The following DNAJB6 variants were observed in gnomAD, a reference collection of about 807,000 sequenced individuals.
DNAJB6 encodes DnaJ heat shock protein family (Hsp40) member B6.
In DNAJB6, 16 loss-of-function variants were observed where a neutral mutation model predicts 42.7. The observed-to-expected ratio is 0.37, with a 90% CI of 0.25 to 0.57. The LOEUF (loss-of-function observed/expected upper bound fraction) is 0.57. Ranked by LOEUF, DNAJB6 falls within the 20% of genes least tolerant of loss-of-function variation. The pLI is 0.74. For synonymous variants in DNAJB6, 170 were observed against 163.5 expected, an observed-to-expected ratio of 1.04 and a Z score of -0.30; for missense variants, 347 against 416.8, an observed-to-expected ratio of 0.83 and a Z score of 1.46.
intron 5 of DNAJB6, among the ~76,000 whole-genome samples, chr7:157,367,885 T>C (rs1799920060): frequency 6.6e-6 from 1 of 152,036 alleles, no homozygotes; most frequent in Non-Finnish European, 1.5e-5. Context: ...TAACATTGTA[T>C]TTTGTCACGA....
At chr7:157,373,144 A>C (rs937294340) in intron 5 of DNAJB6, among the ~76,000 whole-genome samples, 10 of 152,168 alleles carry the variant, frequency 6.6e-5, no homozygotes, top group Admixed American at 5.9e-4. Flanking sequence ...TTAACTTGAT[A>C]ATCTATAAAG....
At chr7:157,348,524 T>C (rs1798803498) in intron 1 of DNAJB6, among the ~76,000 whole-genome samples, 1 of 152,200 alleles carries the variant, frequency 6.6e-6, no homozygotes, top group South Asian at 2.1e-4. Context: ...AACAGTTTCC[T>C]AAATAGCTCT....
At chr7:157,358,678 G>A in intron 2 of DNAJB6, 41 bp downstream of exon 2, 1 of 1,474,664 alleles carries the variant, frequency 6.8e-7, no homozygotes, top group Non-Finnish European at 9.5e-7. Flanking sequence ...TTTCACAGTG[G>A]TACATTGGTA....
intron 8 of DNAJB6, 77 bp from the exon 9 acceptor site, chr7:157,409,718 C>A: frequency 7.0e-7 from 1 of 1,421,784 alleles, no homozygotes; most frequent in Non-Finnish European, 9.3e-7. Flanking sequence ...GTGCGGCCAG[C>A]TTCCCTCCCT....
At chr7:157,350,872 T>C (rs1798936140) in intron 1 of DNAJB6, among the ~76,000 whole-genome samples, 1 of 151,420 alleles carries the variant, frequency 6.6e-6, no homozygotes, top group African/African-American at 2.4e-5. Context: ...ACAACAACTT[T>C]TTAATTCTGA....
intron 5 of DNAJB6, among the ~76,000 whole-genome samples, chr7:157,369,662 GC>G (rs1335051773): frequency 4.0e-5 from 6 of 149,902 alleles, no homozygotes; most frequent in Non-Finnish European, 2.9e-5. Context: ...TATTAAACAG[GC>G]CCCTTCTTAA....
chr7:157,386,290 A>G, intron 8 of DNAJB6: 1 of 984,794 alleles, frequency 1.0e-6, no homozygotes, highest in South Asian at 4.7e-5. Flanking sequence ...ATAAATGCGA[A>G]TGTGTTGGTG....
chr7:157,367,155 GT>G (rs1799884319), intron 4 of DNAJB6, among the ~76,000 whole-genome samples: 1 of 152,220 alleles, frequency 6.6e-6, no homozygotes, highest in African/African-American at 2.4e-5. Context: ...GAAAAGTAGT[GT>G]CGAAGGGGCC....
chr7:157,386,090 T>G (rs931717272), intron 8 of DNAJB6: 32 of 981,492 alleles, frequency 3.3e-5, no homozygotes, highest in Non-Finnish European at 3.8e-5. Flanking sequence ...TAGTGAAAGA[T>G]ATTAATACAT....
chr7:157,415,325 C>T (rs1175288360), intron 9 of DNAJB6: 3 of 152,278 alleles, frequency 2.0e-5, no homozygotes, highest in African/African-American at 7.2e-5. Context: ...CCATGCACTT[C>T]AGCTGGATCA....
intron 1 of DNAJB6, among the ~76,000 whole-genome samples, chr7:157,355,702 G>A (rs1321468872): frequency 6.6e-6 from 1 of 152,172 alleles, no homozygotes; most frequent in Non-Finnish European, 1.5e-5. Context: ...GGAGCGCAGA[G>A]GTGAGGGCAT....
chr7:157,372,646 A>C (rs1049832951), intron 5 of DNAJB6, among the ~76,000 whole-genome samples: 44 of 152,210 alleles, frequency 2.9e-4, no homozygotes, highest in Admixed American at 2.1e-3. Context: ...CCTGAAGCAC[A>C]GGCCGGGCGT....
chr7:157,379,429 T>C (rs948473325), intron 5 of DNAJB6: 8 of 152,234 alleles, frequency 5.3e-5, no homozygotes, highest in African/African-American at 1.9e-4. Context: ...GACTCAGGTA[T>C]GGACAGTGAG....
chr7:157,358,505 TC>T, intron 1 of DNAJB6, 41 bp from the exon 2 acceptor site: 1 of 1,355,156 alleles, frequency 7.4e-7, no homozygotes, highest in South Asian at 1.2e-5. Context: ...GATTTGCCCA[TC>T]CCCAGCAGCC....
At chr7:157,349,107 C>A (rs1798840405) in intron 1 of DNAJB6, among the ~76,000 whole-genome samples, 2 of 151,798 alleles carry the variant, frequency 1.3e-5, no homozygotes, top group African/African-American at 2.4e-5. Flanking sequence ...ATCTGGAATT[C>A]CTGGGCTGAA....
intron 8 of DNAJB6, among the ~76,000 whole-genome samples, chr7:157,387,298 A>G (rs1373263300): frequency 6.6e-6 from 1 of 152,230 alleles, no homozygotes; most frequent in Non-Finnish European, 1.5e-5. Flanking sequence ...GTTGTGTCGG[A>G]AATAACCCAG....
chr7:157,396,325 C>T (rs771540711), intron 8 of DNAJB6, among the ~76,000 whole-genome samples: 31 of 152,300 alleles, frequency 2.0e-4, no homozygotes, highest in African/African-American at 6.0e-4. Context: ...AACCAGGGAG[C>T]GGGGCAGTCT....
chr7:157,377,919 C>G (rs1307795408), intron 5 of DNAJB6, among the ~76,000 whole-genome samples: 1 of 152,192 alleles, frequency 6.6e-6, no homozygotes, highest in Non-Finnish European at 1.5e-5. Flanking sequence ...CACAGACAAC[C>G]AACAGTGCAC....
chr7:157,345,490 A>T (rs1554451622), intron 1 of DNAJB6, among the ~76,000 whole-genome samples: 1 of 151,384 alleles, frequency 6.6e-6, no homozygotes, highest in Non-Finnish European at 1.5e-5. Flanking sequence ...AATTTTTTTT[A>T]TCTTTTTGTA....
Sources: gnomAD v4.1 joint callset for allele counts (sites outside exome capture counted in the v4.1 genomes callset) on GRCh38, gnomAD v4.1.1 for gene constraint, MANE v1.5 for transcripts, NCBI Gene and HGNC (gene_info 2026-07-23, HGNC 2026-07-21) for gene names.